Variants in CHCHD3 observed in about 807,000 individuals in gnomAD.
The protein encoded by CHCHD3 is MICOS complex subunit MIC19.
Under a neutral mutation model 38.2 loss-of-function variants are expected in CHCHD3, and 20 were observed. The observed-to-expected ratio is 0.52, with a 90% CI of 0.37 to 0.76. The LOEUF is 0.76. Ranked by LOEUF, CHCHD3 falls within the 30% of genes least tolerant of loss-of-function variation. CHCHD3 has a pLI of 0.00. For synonymous variants in CHCHD3, 82 were observed against 100.0 expected, an observed-to-expected ratio of 0.82 and a Z score of 1.07; for missense variants, 245 against 279.2, an observed-to-expected ratio of 0.88 and a Z score of 0.87.
At chr7:132,927,465 T>C (rs747803729) in intron 4 of CHCHD3, among the ~76,000 whole-genome samples, 3 of 152,148 alleles carry the variant, frequency 2.0e-5, no homozygotes, top group Non-Finnish European at 4.4e-5. Context: ...ATGTAACAAA[T>C]CTCAGACTCA....
chr7:133,007,907 A>C (rs1270168882), intron 3 of CHCHD3, among the ~76,000 whole-genome samples: 1 of 152,224 alleles, frequency 6.6e-6, no homozygotes, highest in Non-Finnish European at 1.5e-5. Flanking sequence ...AAGCCTATTA[A>C]CAAGATGTTC....
At chr7:132,912,855 A>C in intron 4 of CHCHD3, among the ~76,000 whole-genome samples, 1 of 152,208 alleles carries the variant, frequency 6.6e-6, no homozygotes, top group Admixed American at 6.5e-5. Flanking sequence ...GCGCCCGGCC[A>C]AAGATGGGAC....
intron 2 of CHCHD3, among the ~76,000 whole-genome samples, chr7:133,057,791 A>G (rs1048752483): frequency 1.4e-4 from 22 of 152,166 alleles, no homozygotes; most frequent in African/African-American, 5.1e-4. Flanking sequence ...TATGTTTATC[A>G]AGCTTGAGCA....
chr7:132,863,625 A>G (rs1299720099), intron 5 of CHCHD3, among the ~76,000 whole-genome samples: 1 of 152,222 alleles, frequency 6.6e-6, no homozygotes, highest in African/African-American at 2.4e-5. Flanking sequence ...TCTCTAGCTA[A>G]GAAAAGTTCT....
chr7:133,074,867 A>G lies in CHCHD3; in HGVS notation c.82-4638T>C, dbSNP rs537809712. ...TGGAGGGATTTTAGTGTTTTGCACCATAAACTACAATTGGCTACACAAATA... is the reference window on the plus strand; with the variant it reads ...TGGAGGGATTTTAGTGTTTTGCACCGTAAACTACAATTGGCTACACAAATA... On this transcript the variant is annotated intron_variant, in intron 1 of 7. Coordinates refer to ENST00000262570, the MANE Select transcript of CHCHD3 (RefSeq NM_017812.4). Among the ~76,000 whole-genome samples the G allele has an allele frequency of 8.7e-4, 132 of 152,332 alleles. 1 individual carries two copies. The South Asian group carries it at 0.025, about 29-fold the overall frequency.
At chr7:132,902,022 G>C (rs1290023632) in intron 4 of CHCHD3, among the ~76,000 whole-genome samples, 6 of 152,012 alleles carry the variant, frequency 3.9e-5, no homozygotes, top group Admixed American at 2.0e-4. Context: ...TGTAAGGAAG[G>C]GATCCAGTTT....
At chr7:132,928,344 G>T (rs183106853) in intron 4 of CHCHD3, among the ~76,000 whole-genome samples, 1 of 152,182 alleles carries the variant, frequency 6.6e-6, no homozygotes, top group Non-Finnish European at 1.5e-5. Context: ...GAATAGAATT[G>T]CATCACAAGT....
chr7:132,985,640 C>A (rs1207133406), intron 3 of CHCHD3, among the ~76,000 whole-genome samples: 1 of 75,202 alleles, frequency 1.3e-5, no homozygotes, highest in African/African-American at 5.1e-5. Flanking sequence ...AAGAGAGGAG[C>A]CCCTCTGCCC....
intron 4 of CHCHD3, among the ~76,000 whole-genome samples, chr7:132,957,755 CAGACGTG>C (rs1811219122): frequency 6.6e-6 from 1 of 152,292 alleles, no homozygotes. Context: ...GCTGGGATTA[CAGACGTG>C]AGCCACTGTG....
chr7:132,835,493 C>G (rs145247745), intron 6 of CHCHD3, among the ~76,000 whole-genome samples: 138 of 152,314 alleles, frequency 9.1e-4, no homozygotes, highest in African/African-American at 3.2e-3. Flanking sequence ...CAGGGCCCTG[C>G]TGACTTGCAG....
chr7:132,843,541 G>T (rs1003766373), intron 5 of CHCHD3, among the ~76,000 whole-genome samples: 3 of 152,128 alleles, frequency 2.0e-5, no homozygotes, highest in Admixed American at 6.5e-5. Flanking sequence ...TAGTGATTCT[G>T]CCAATGTTGT....
intron 6 of CHCHD3, among the ~76,000 whole-genome samples, chr7:132,827,659 A>G (rs555096967): frequency 6.4e-4 from 98 of 152,330 alleles, no homozygotes; most frequent in Non-Finnish European, 1.1e-3. Context: ...AATACAACAG[A>G]ATATTCCCAA....
At chr7:133,054,260 T>C (rs916143355) in intron 2 of CHCHD3, among the ~76,000 whole-genome samples, 2 of 152,190 alleles carry the variant, frequency 1.3e-5, no homozygotes, top group African/African-American at 2.4e-5. Flanking sequence ...ACTGTCCAAA[T>C]ATATCCAACA....
intron 2 of CHCHD3, among the ~76,000 whole-genome samples, chr7:133,060,413 C>T (rs1214753923): frequency 2.0e-5 from 3 of 152,168 alleles, no homozygotes; most frequent in Non-Finnish European, 2.9e-5. Flanking sequence ...GAGACGTGCA[C>T]AGGTACCACA....
intron 2 of CHCHD3, among the ~76,000 whole-genome samples, chr7:133,063,324 C>T (rs1028799761): frequency 6.6e-6 from 1 of 152,162 alleles, no homozygotes; most frequent in Non-Finnish European, 1.5e-5. Flanking sequence ...GCCAAGCCCT[C>T]CTCTGCCCTG....
intron 3 of CHCHD3, among the ~76,000 whole-genome samples, chr7:132,984,219 C>T (rs1290145079): frequency 6.6e-6 from 1 of 151,676 alleles, no homozygotes; most frequent in Non-Finnish European, 1.5e-5. Context: ...CACGGCGCCA[C>T]GCCTGACTGG....
chr7:132,893,288 G>A (rs1809413975), intron 4 of CHCHD3, among the ~76,000 whole-genome samples: 2 of 152,170 alleles, frequency 1.3e-5, no homozygotes. Flanking sequence ...CTGCCCTGCT[G>A]GATTTCAGAC....
At chr7:132,819,506 A>G (rs1807289287) in intron 6 of CHCHD3, among the ~76,000 whole-genome samples, 1 of 152,092 alleles carries the variant, frequency 6.6e-6, no homozygotes, top group Admixed American at 6.5e-5. Flanking sequence ...AGTTCAATTT[A>G]GTAGATGGAA....
chr7:133,024,105 G>A (rs17421874), intron 3 of CHCHD3, among the ~76,000 whole-genome samples: 7,781 of 152,120 alleles, frequency 0.051, 271 homozygotes, highest in Middle Eastern at 0.092. Context: ...ATTTTTTTAC[G>A]TGAACAGAAT....
Sources: gnomAD v4.1 joint callset for allele counts (sites outside exome capture counted in the v4.1 genomes callset) on GRCh38, gnomAD v4.1.1 for gene constraint, MANE v1.5 for transcripts, NCBI Gene and HGNC (gene_info 2026-07-23, HGNC 2026-07-21) for gene names.